The following B3GALNT2 variants were observed in gnomAD, a reference collection of about 807,000 sequenced individuals.
B3GALNT2 encodes UDP-GalNAc:beta-1,3-N-acetylgalactosaminyltransferase 2.
B3GALNT2 carries 53 observed loss-of-function variants against 61.1 expected under a neutral mutation model. That is an observed-to-expected ratio of 0.87 (90% CI 0.70 to 1.09). B3GALNT2 has a LOEUF of 1.09. Among genes scored for constraint, B3GALNT2 ranks in the 50% least tolerant of loss-of-function variants. B3GALNT2 has a pLI of 0.00. For synonymous variants in B3GALNT2, 223 were observed against 237.4 expected (o/e 0.94, Z 0.56); for missense variants, 544 against 623.0 (o/e 0.87, Z 1.35).
intron 4 of B3GALNT2, among the ~76,000 whole-genome samples, chr1:235,481,516 T>C (rs1187079123): frequency 1.3e-5 from 2 of 152,154 alleles, no homozygotes; most frequent in African/African-American, 4.8e-5. Flanking sequence ...CCTATTTTCT[T>C]AATTTTTTGT....
chr1:235,467,607 C>T (rs1683770350), intron 6 of B3GALNT2, among the ~76,000 whole-genome samples: 1 of 150,340 alleles, frequency 6.7e-6, no homozygotes, highest in Non-Finnish European at 1.5e-5. Flanking sequence ...GCCTCAGCCT[C>T]TCAAGTAGCT....
intron 5 of B3GALNT2, among the ~76,000 whole-genome samples, chr1:235,471,365 C>T (rs1684000512): frequency 6.6e-6 from 1 of 152,158 alleles, no homozygotes; most frequent in African/African-American, 2.4e-5. Flanking sequence ...AAAATATCTA[C>T]TAAGTATCTA....
intron 8 of B3GALNT2, among the ~76,000 whole-genome samples, chr1:235,456,587 A>T (rs542767444): frequency 1.1e-4 from 16 of 152,250 alleles, no homozygotes; most frequent in African/African-American, 3.9e-4. Context: ...TGAAATAATG[A>T]GGAAGAAATA....
At chr1:235,454,121 G>A in intron 10 of B3GALNT2, 35 bp downstream of exon 10, 3 of 1,550,916 alleles carry the variant, frequency 1.9e-6, no homozygotes, top group Admixed American at 3.7e-5. Flanking sequence ...TTACTGGCAA[G>A]AGCCACCACG....
chr1:235,468,170 A>G (rs759773987), intron 6 of B3GALNT2, among the ~76,000 whole-genome samples: 3 of 152,224 alleles, frequency 2.0e-5, no homozygotes. Flanking sequence ...CTAAAAGGTC[A>G]CAACTTGGCT....
In B3GALNT2 at chr1:235,494,789, T is replaced by C. The variant is rs61742900; in HGVS notation, c.152A>G (p.Tyr51Cys). ...TGACAACACGCCAACTACCACATCATAGTGAGTAGATTTCCACTGAGGAAA... is the reference window on the plus strand; with the variant it reads ...TGACAACACGCCAACTACCACATCACAGTGAGTAGATTTCCACTGAGGAAA... ...ALFPQWKSTH[Y>C]DVVVGVLSAR... The change falls in exon 2 of 12, where the codon TAT becomes TGT. Residue 51 changes from tyrosine (Y) to cysteine (C), a missense_variant. Tyr to Cys is a radical substitution (Grantham distance 194). Transcript: ENST00000366600. 1,878 of 1,611,288 alleles carry C rather than the reference T, an allele frequency of 1.2e-3. 17 individuals carry two copies. In the African/African-American group the frequency reaches 0.022, roughly 18 times the overall value.
downstream of B3GALNT2, chr1:235,442,823 A>C (rs778291075): frequency 6.2e-7 from 1 of 1,606,500 alleles, no homozygotes; most frequent in Non-Finnish European, 8.5e-7. Context: ...GTAGATATCA[A>C]TTAGTCTTTT....
Position 235,470,918 on chromosome 1 carries a change from C to G in B3GALNT2, c.694G>C (p.Gly232Arg). 1 of 1,614,038 alleles carries G rather than the reference C, an allele frequency of 6.2e-7. No homozygotes were observed. The highest frequency in any genetic ancestry group is 8.5e-7 in the Non-Finnish European group (1 of 1,179,994). Residue 232 changes from glycine to arginine, a missense_variant, in exon 6 of 12, where the codon GGC becomes CGC. Transcript: ENST00000366600. Reference sequence around the variant, plus strand: ...TTGTGGAGATTTCTTGACACAAGGCCGTGGAGGTCTTGGCTCTCCCACACG... The same window carrying G: ...TTGTGGAGATTTCTTGACACAAGGCGGTGGAGGTCTTGGCTCTCCCACACG... ...TIVWESQDLH[G>R]LVSRNLHKVT...
intron 8 of B3GALNT2, 47 bp from the exon 9 acceptor site, chr1:235,455,731 A>C (rs375726717): frequency 4.5e-6 from 7 of 1,559,172 alleles, no homozygotes; most frequent in Non-Finnish European, 6.2e-6. Context: ...CAAACAAACA[A>C]ACACCAATGC....
intron 6 of B3GALNT2, among the ~76,000 whole-genome samples, chr1:235,467,364 A>G (rs537537096): frequency 1.3e-5 from 2 of 152,216 alleles, no homozygotes; most frequent in South Asian, 4.1e-4. Context: ...AATAAATAAA[A>G]TAAAATAAAA....
intron 1 of B3GALNT2, chr1:235,496,342 A>G: frequency 1.0e-6 from 1 of 997,604 alleles, no homozygotes. Context: ...TTCCAAATGG[A>G]ATAGAGGTAT....
intron 3 of B3GALNT2, among the ~76,000 whole-genome samples, chr1:235,486,937 G>C (rs1042533151): frequency 1.2e-4 from 18 of 152,062 alleles, no homozygotes; most frequent in African/African-American, 3.9e-4. Context: ...GGGAGGCTGA[G>C]GGGGGTGGAT....
At chr1:235,502,971 T>G (rs1262141872) in intron 1 of B3GALNT2, among the ~76,000 whole-genome samples, 5 of 152,390 alleles carry the variant, frequency 3.3e-5, no homozygotes, top group African/African-American at 9.6e-5. Context: ...TTAAATCACT[T>G]AAATAGTGTT....
intron 5 of B3GALNT2, among the ~76,000 whole-genome samples, chr1:235,473,312 C>T (rs1684091589): frequency 1.3e-5 from 2 of 152,160 alleles, no homozygotes; most frequent in South Asian, 2.1e-4. Context: ...GGCAGTTTAT[C>T]GCTCTGTATT....
At chr1:235,467,897 A>T (rs1305085353) in intron 6 of B3GALNT2, among the ~76,000 whole-genome samples, 1 of 151,656 alleles carries the variant, frequency 6.6e-6, no homozygotes, top group African/African-American at 2.4e-5. Flanking sequence ...CTCCTTTCTC[A>T]GCCTCTTGAG....
chr1:235,492,831 G>C (rs1293351855), intron 2 of B3GALNT2, among the ~76,000 whole-genome samples: 1 of 152,164 alleles, frequency 6.6e-6, no homozygotes, highest in African/African-American at 2.4e-5. Context: ...ATTAGTGAGA[G>C]AGGACGTAGG....
At chr1:235,494,409 C>T (rs1457628292) in intron 2 of B3GALNT2, among the ~76,000 whole-genome samples, 1 of 152,020 alleles carries the variant, frequency 6.6e-6, no homozygotes, top group Admixed American at 6.6e-5. Context: ...CAGGAAGAGC[C>T]CACATATCTG....
intron 6 of B3GALNT2, among the ~76,000 whole-genome samples, chr1:235,466,604 C>T (rs1048897367): frequency 3.3e-5 from 5 of 152,308 alleles, no homozygotes; most frequent in African/African-American, 1.2e-4. Context: ...ATCCTCCCGC[C>T]TCGGTCTCCC....
Position 235,470,757 on chromosome 1 carries a change from T to C in B3GALNT2, c.762+93A>G, listed in dbSNP as rs1683955881. The C allele has an allele frequency of 2.0e-6, 3 of 1,507,374 alleles. No individual in the cohort carries two copies. The South Asian group carries it at 3.9e-5, about 20-fold the overall frequency. 93.4% of individuals were successfully genotyped at this position (1,507,374 alleles called of 1,614,324 possible). On this transcript the variant is annotated intron_variant, in intron 6 of 11. Transcript: ENST00000366600. ...AAAACACACAAGAATCATTGCTCCA[T>C]GCTGCCTGGGCTCTAAGGTAAATTT...
Sources: allele counts gnomAD v4.1 joint callset (sites outside exome capture counted in the v4.1 genomes callset), GRCh38; gene constraint gnomAD v4.1.1; transcripts MANE v1.5; gene names NCBI Gene and HGNC (gene_info 2026-07-23, HGNC 2026-07-21).